FOXO3: variants seen among roughly 807,000 people sequenced by gnomAD.
FOXO3 encodes forkhead box protein O3.
In FOXO3, 4 loss-of-function variants were observed where a neutral mutation model predicts 41.9. That is an observed-to-expected ratio of 0.10 (90% confidence interval 0.05 to 0.22). The LOEUF (loss-of-function observed/expected upper bound fraction) is 0.22, where lower values mean the gene tolerates loss of function less well. Among genes scored for constraint, FOXO3 ranks in the 10% least tolerant of loss-of-function variants. The probability of loss-of-function intolerance (pLI) is 1.00; values close to 1 mark genes in which losing one functional copy is unlikely to be tolerated. For synonymous variants in FOXO3, 318 were observed against 389.3 expected (o/e 0.82, Z 2.16); for missense variants, 534 against 906.8 (o/e 0.59, Z 5.28).
chr6:108,633,176 T>A (rs1411657212), intron 1 of FOXO3, among the ~76,000 whole-genome samples: 4 of 152,162 alleles, frequency 2.6e-5, no homozygotes, highest in African/African-American at 4.8e-5. Flanking sequence ...ACTGATTGGA[T>A]AAATAAAATG....
At chr6:108,569,417 C>T (rs955015382) in intron 1 of FOXO3, among the ~76,000 whole-genome samples, 1 of 152,194 alleles carries the variant, frequency 6.6e-6, no homozygotes, top group Admixed American at 6.5e-5. Context: ...AGCTGGCATC[C>T]ATAGAGTACT....
At chr6:108,572,339 GT>G (rs1424254831) in intron 1 of FOXO3, among the ~76,000 whole-genome samples, 1 of 152,228 alleles carries the variant, frequency 6.6e-6, no homozygotes, top group Non-Finnish European at 1.5e-5. Flanking sequence ...ATCAGTGATG[GT>G]AGTAAGGCTA....
intron 1 of FOXO3, among the ~76,000 whole-genome samples, chr6:108,584,203 A>C (rs1327960749): frequency 6.6e-6 from 1 of 152,158 alleles, no homozygotes; most frequent in Non-Finnish European, 1.5e-5. Context: ...GGATATGCAA[A>C]CAGAAAGTTG....
At position 108,561,081 on chromosome 6, in the gene FOXO3, C is replaced by T; in HGVS notation, c.-128C>T. 7.0e-7 allele frequency: 1 copy of T among 1,430,592 alleles called. No homozygotes were observed. The highest frequency in any genetic ancestry group is 9.1e-7 in the Non-Finnish European group (1 of 1,102,048). 88.6% of individuals were successfully genotyped at this position (1,430,592 alleles called of 1,614,324 possible). ...CTCCTTCTCTCTTCTTTGGTGCTTC[C>T]CCAGGCGGCGGCGGCGGCGCCCGGG... On this transcript the variant is annotated 5_prime_UTR_variant, in exon 1 of 3. Transcript: ENST00000406360.
intron 1 of FOXO3, among the ~76,000 whole-genome samples, chr6:108,642,225 A>G (rs976658765): frequency 1.3e-5 from 2 of 151,548 alleles, no homozygotes; most frequent in Non-Finnish European, 2.9e-5. Flanking sequence ...AATAGCTGGG[A>G]CTATAGGCAC....
intron 1 of FOXO3, among the ~76,000 whole-genome samples, chr6:108,631,243 A>G (rs1777964485): frequency 6.6e-6 from 1 of 152,158 alleles, no homozygotes; most frequent in Non-Finnish European, 1.5e-5. Context: ...CAAGACAGAC[A>G]CTGTCTCTGC....
intron 1 of FOXO3, among the ~76,000 whole-genome samples, chr6:108,569,341 A>G (rs893192597): frequency 2.0e-5 from 3 of 152,178 alleles, no homozygotes; most frequent in African/African-American, 7.2e-5. Flanking sequence ...TCACCATTTT[A>G]TTCCTGACCA....
At chr6:108,678,539 C>G (rs1245591515) in intron 2 of FOXO3, among the ~76,000 whole-genome samples, 1 of 149,176 alleles carries the variant, frequency 6.7e-6, no homozygotes, top group Admixed American at 6.7e-5. Context: ...GCCCAGTGGT[C>G]ACATGACATC....
intron 2 of FOXO3, among the ~76,000 whole-genome samples, chr6:108,666,771 A>G: frequency 6.6e-6 from 1 of 152,118 alleles, no homozygotes; most frequent in East Asian, 1.9e-4. Context: ...ATGATAGACA[A>G]GCTTTCCCTA....
At chr6:108,602,155 T>C (rs1195001611) in intron 1 of FOXO3, among the ~76,000 whole-genome samples, 2 of 152,226 alleles carry the variant, frequency 1.3e-5, no homozygotes, top group Non-Finnish European at 2.9e-5. Flanking sequence ...GAAAATATTT[T>C]AGGTAAATCT....
At chr6:108,562,924 A>G (rs1194935141) in intron 1 of FOXO3, among the ~76,000 whole-genome samples, 1 of 152,194 alleles carries the variant, frequency 6.6e-6, no homozygotes, top group Non-Finnish European at 1.5e-5. Context: ...TGTCAGTACC[A>G]GGCCAAAGAG....
Position 108,561,529 on chromosome 6 carries a change from C to T in FOXO3, c.321C>T (p.Asp107=), listed in dbSNP as rs771612915. 49 of 1,441,442 alleles carry T rather than the reference C, an allele frequency of 3.4e-5. 1 individual carries two copies. In the East Asian group the frequency reaches 9.6e-4, roughly 28 times the overall value. The allele number at this position is 1,441,442 out of a possible 1,614,324, so 89.3% of individuals were successfully genotyped here. A position where few individuals can be genotyped will look rare whatever the true frequency, so the allele number is the denominator to read the frequency against. The part of the protein sequence containing the change: ...SARVLAPGGQ[D]PGSGPATAAG... ...GGGTGCTGGCACCCGGAGGGCAAGA[C>T]CCCGGGTCTGGGCCAGCCACCGCGG... is the stretch of plus-strand genomic sequence containing the variant. The change falls in exon 1 of 3, where the codon GAC becomes GAT. Residue 107 remains aspartate (D), a synonymous_variant. Transcript: ENST00000406360.
At chr6:108,643,339 A>T (rs1295265389) in intron 1 of FOXO3, among the ~76,000 whole-genome samples, 1 of 152,182 alleles carries the variant, frequency 6.6e-6, no homozygotes, top group African/African-American at 2.4e-5. Context: ...ACAGGAAAGG[A>T]CCTGGGGAAT....
At chr6:108,645,646 T>C (rs1778375423) in intron 1 of FOXO3, among the ~76,000 whole-genome samples, 1 of 152,166 alleles carries the variant, frequency 6.6e-6, no homozygotes, top group Non-Finnish European at 1.5e-5. Context: ...CATTAGAAGA[T>C]GATAGAACCC....
At chr6:108,634,610 A>G (rs1247363945) in intron 1 of FOXO3, among the ~76,000 whole-genome samples, 2 of 152,092 alleles carry the variant, frequency 1.3e-5, no homozygotes, top group Non-Finnish European at 2.9e-5. Flanking sequence ...CAACTCCAAC[A>G]GGCATGAGAC....
chr6:108,572,981 G>C (rs1036331589), intron 1 of FOXO3, among the ~76,000 whole-genome samples: 48 of 152,102 alleles, frequency 3.2e-4, no homozygotes, highest in African/African-American at 1.1e-3. Context: ...ACTTTGGGTG[G>C]GGTACAAGAA....
At chr6:108,650,505 C>G (rs1778517546) in intron 1 of FOXO3, among the ~76,000 whole-genome samples, 1 of 152,228 alleles carries the variant, frequency 6.6e-6, no homozygotes, top group Non-Finnish European at 1.5e-5. Context: ...AGATATTACA[C>G]TACTGATGCT....
intron 2 of FOXO3, among the ~76,000 whole-genome samples, chr6:108,666,708 G>GA (rs1237208680): frequency 7.9e-5 from 12 of 151,264 alleles, no homozygotes; most frequent in African/African-American, 2.9e-4. Context: ...TAGCTGGTTA[G>GA]AAAAAAAGCG....
At chr6:108,580,473 ACCGTGCCCAG>A (rs1776384428) in intron 1 of FOXO3, among the ~76,000 whole-genome samples, 1 of 152,190 alleles carries the variant, frequency 6.6e-6, no homozygotes, top group South Asian at 2.1e-4. Flanking sequence ...GGCGTGAGCC[ACCGTGCCCAG>A]CCTTAGCTCT....
Sources: allele counts gnomAD v4.1 joint callset (sites outside exome capture counted in the v4.1 genomes callset), GRCh38; gene constraint gnomAD v4.1.1; transcripts MANE v1.5; gene names NCBI Gene and HGNC (gene_info 2026-07-23, HGNC 2026-07-21).